Variants in FAF2 observed in about 807,000 individuals in gnomAD.
The protein encoded by FAF2 is Fas associated factor family member 2, also known as FAS-associated factor 2.
FAF2 carries 9 observed loss-of-function variants against 62.3 expected under a neutral mutation model. The observed-to-expected ratio is 0.14, with a 90% CI of 0.09 to 0.25. The LOEUF (loss-of-function observed/expected upper bound fraction) is 0.25, where lower values mean the gene tolerates loss of function less well. FAF2 is among the 10% of genes least tolerant of loss of function. FAF2 has a pLI of 1.00. For missense variants in FAF2, 368 were observed against 556.2 expected (o/e 0.66, Z 3.40); for synonymous variants, 202 against 198.0 (o/e 1.02, Z -0.17).
rs1336505777 is a variant in FAF2 at position 176,509,326 on chromosome 5, C to G, written c.*2376C>G. The G allele has an allele frequency of 6.6e-6, 1 of 152,120 alleles. No individual in the cohort carries two copies. The highest frequency in any genetic ancestry group is 1.5e-5 in the Non-Finnish European group (1 of 68,038). 9.4% of individuals were successfully genotyped at this position (152,120 alleles called of 1,614,324 possible). On this transcript the variant is annotated 3_prime_UTR_variant, in exon 11 of 11. Transcript: ENST00000261942. ...GTACAATCTGTGTTACTCCTAAGGA[C>G]TTTTGGGATTTTGATGAGACCTGCG...
intron 10 of FAF2, among the ~76,000 whole-genome samples, chr5:176,505,341 A>G (rs557234863): frequency 2.0e-5 from 3 of 152,144 alleles, no homozygotes; most frequent in African/African-American, 7.2e-5. Context: ...AGCATCCTGG[A>G]CTCTCCTAAT....
In FAF2 at chr5:176,494,331, T is replaced by A. The variant is rs1218398170; in HGVS notation, c.661+56T>A. 1 of 1,375,466 alleles carries A rather than the reference T, an allele frequency of 7.3e-7. No homozygotes were observed. Among genetic ancestry groups the A allele is most frequent in the African/African-American group, 1.4e-5 (1 of 70,460 alleles). 85.2% of individuals were successfully genotyped at this position (1,375,466 alleles called of 1,614,324 possible). ...TTGTTGGAGTATCTTTGGAATAGTC[T>A]GGAAAGACATGCCATGCCATTTATT... On this transcript the variant is annotated intron_variant, in intron 7 of 10. Coordinates refer to ENST00000261942, the MANE Select transcript of FAF2 (RefSeq NM_014613.3). This position sits in a 1 kb window ranked among gnomAD's most constrained non-coding sequence, Gnocchi z 4.0.
intron 1 of FAF2, among the ~76,000 whole-genome samples, chr5:176,458,408 C>CTCTTTTT (rs1758315272): frequency 2.3e-5 from 2 of 86,364 alleles, no homozygotes; most frequent in African/African-American, 9.0e-5. Context: ...CTTTTTCTTC[C>CTCTTTTT]TTTTTTTTTT....
intron 2 of FAF2, among the ~76,000 whole-genome samples, chr5:176,485,513 G>T (rs974020864): frequency 6.6e-6 from 1 of 152,106 alleles, no homozygotes; most frequent in Non-Finnish European, 1.5e-5. Flanking sequence ...CATCTCTTTG[G>T]GTAAGGTCAA....
At chr5:176,487,014 T>C (rs2113737582) in intron 3 of FAF2, among the ~76,000 whole-genome samples, 1 of 152,374 alleles carries the variant, frequency 6.6e-6, no homozygotes, top group Non-Finnish European at 1.5e-5. Flanking sequence ...TGTACACTGA[T>C]AATGAATTCT....
intron 1 of FAF2, among the ~76,000 whole-genome samples, chr5:176,449,510 G>A (rs1249586930): frequency 6.6e-6 from 1 of 152,096 alleles, no homozygotes; most frequent in Non-Finnish European, 1.5e-5. Flanking sequence ...GGGAGGCGGA[G>A]GTTGCAGTGA....
intron 10 of FAF2, among the ~76,000 whole-genome samples, chr5:176,502,227 A>G (rs1006187920): frequency 1.3e-5 from 2 of 152,196 alleles, no homozygotes; most frequent in East Asian, 1.9e-4. Context: ...CAATTTTGCT[A>G]TTGTACACAC....
At chr5:176,489,441 A>G (rs2113739239) in intron 4 of FAF2, among the ~76,000 whole-genome samples, 1 of 152,112 alleles carries the variant, frequency 6.6e-6, no homozygotes, top group African/African-American at 2.4e-5. Flanking sequence ...CAATCCCAAC[A>G]AATTCTCTTG....
In FAF2 at chr5:176,467,800, G is replaced by A. The variant is rs182118972; in HGVS notation, c.64-11388G>A. Among the ~76,000 whole-genome samples the A allele has an allele frequency of 3.3e-4, 50 of 152,178 alleles. 1 individual carries two copies. In the East Asian group the frequency reaches 9.4e-3, roughly 29 times the overall value. ...GTCTTACAGGATTGTTGAGGAAAAT[G>A]TGAAGATTAGCTATGTTAGTTCCTG... is the stretch of plus-strand genomic sequence containing the variant. On this transcript the variant is annotated intron_variant, in intron 1 of 10. Transcript: ENST00000261942.
chr5:176,499,094 C>T lies in FAF2; in HGVS notation c.1011+9C>T, dbSNP rs777868180. On this transcript the variant is annotated intron_variant, in intron 9 of 10. Transcript: ENST00000261942. ...AGGAGAGACGGCGGCAGGTAATGGACGTGTGGCTTTACTCCCTGTGGTTCC... is the reference window on the plus strand; with the variant it reads ...AGGAGAGACGGCGGCAGGTAATGGATGTGTGGCTTTACTCCCTGTGGTTCC... 18 of 1,563,500 alleles carry T rather than the reference C, an allele frequency of 1.2e-5. No homozygotes were observed. The East Asian group carries it at 1.2e-4, about 10-fold the overall frequency.
In FAF2 at chr5:176,486,363, A is replaced by T. The variant is rs750729648; in HGVS notation, c.141A>T (p.Val47=). The T allele has an allele frequency of 6.2e-7, 1 of 1,614,150 alleles. No homozygotes were observed. Among genetic ancestry groups the T allele is most frequent in the Non-Finnish European group, 8.5e-7 (1 of 1,180,018 alleles). The change falls in exon 3 of 11, where the codon GTA becomes GTT. Residue 47 remains valine, a synonymous_variant. Coordinates refer to ENST00000261942, the MANE Select transcript of FAF2 (RefSeq NM_014613.3). ...TCCGTTTTCCTTCTCAGGCTGCTGT[A>T]CAGGACAGATTGAATGAGCAAGAGG... ...EQHNWNIEAA[V]QDRLNEQEGV... is the part of the protein sequence containing the mutation.
intron 1 of FAF2, among the ~76,000 whole-genome samples, chr5:176,468,627 G>C (rs189170343): frequency 6.6e-6 from 1 of 152,010 alleles, no homozygotes; most frequent in East Asian, 1.9e-4. Context: ...TCAAAAGAAA[G>C]TTCCTTTTAA....
chr5:176,490,477 C>G (rs1044702223), intron 4 of FAF2, among the ~76,000 whole-genome samples: 2 of 151,820 alleles, frequency 1.3e-5, no homozygotes, highest in Non-Finnish European at 2.9e-5. Flanking sequence ...CTGGGCCTTC[C>G]CTGGAAGTAC....
intron 1 of FAF2, among the ~76,000 whole-genome samples, chr5:176,457,728 G>A (rs1315869568): frequency 6.6e-6 from 1 of 151,942 alleles, no homozygotes; most frequent in East Asian, 1.9e-4. Context: ...AGAAATCACC[G>A]TGAACACTTG....
At chr5:176,468,717 G>C (rs907942377) in intron 1 of FAF2, among the ~76,000 whole-genome samples, 2 of 151,952 alleles carry the variant, frequency 1.3e-5, no homozygotes, top group South Asian at 2.1e-4. Context: ...AGGATCACCT[G>C]AGGCAAGGAG....
intron 1 of FAF2, among the ~76,000 whole-genome samples, chr5:176,460,858 G>C (rs1463367545): frequency 1.3e-5 from 2 of 151,958 alleles, no homozygotes; most frequent in Non-Finnish European, 2.9e-5. Context: ...AGGCTGAGGT[G>C]GGAGGATCAC....
intron 1 of FAF2, among the ~76,000 whole-genome samples, chr5:176,452,204 C>T (rs1758200298): frequency 6.6e-6 from 1 of 151,708 alleles, no homozygotes; most frequent in African/African-American, 2.4e-5. Context: ...ATTACAAGTG[C>T]CTGCCACCAT....
chr5:176,468,492 G>A (rs1190530149), intron 1 of FAF2, among the ~76,000 whole-genome samples: 1 of 151,990 alleles, frequency 6.6e-6, no homozygotes, highest in Admixed American at 6.6e-5. Context: ...GCTGAGGCAG[G>A]AGAATGGTGT....
rs544684087 is a variant in FAF2 at position 176,456,263 on chromosome 5, G to C, written c.63+7793G>C. On this transcript the variant is annotated intron_variant, in intron 1 of 10. Coordinates refer to ENST00000261942, the MANE Select transcript of FAF2 (RefSeq NM_014613.3). The stretch of plus-strand genomic sequence containing the variant: ...ATTTTTGTATTTTTAGTAGAGATGG[G>C]GTTTTGCCATGCTGGCCAGGCTGGT... 2.6e-5 allele frequency among the ~76,000 whole-genome samples: 4 copies of C among 152,106 alleles called. No homozygotes were observed. The East Asian group carries it at 7.7e-4, about 29-fold the overall frequency.
Sources: gnomAD v4.1 joint callset for allele counts (sites outside exome capture counted in the v4.1 genomes callset) on GRCh38, gnomAD v4.1.1 for gene constraint, Gnocchi (gnomAD v3.1) non-coding constraint, MANE v1.5 for transcripts, NCBI Gene and HGNC (gene_info 2026-07-23, HGNC 2026-07-21) for gene names.